HUS1: variants seen among roughly 807,000 people sequenced by gnomAD.
HUS1 encodes the protein checkpoint protein HUS1.
HUS1 carries 31 observed loss-of-function variants against 32.6 expected under a neutral mutation model. That is an observed-to-expected ratio of 0.95 (90% CI 0.72 to 1.28). The LOEUF is 1.28. Among genes scored for constraint, HUS1 ranks in the 50% most tolerant of loss-of-function variants. The pLI is 0.00. For synonymous variants in HUS1, 123 were observed against 116.6 expected (o/e 1.06, Z -0.36); for missense variants, 340 against 337.7 (o/e 1.01, Z -0.05).
chr7:47,965,579 C>T, intron 7 of HUS1, 141 bp from the exon 8 acceptor site: 1 of 615,394 alleles, frequency 1.6e-6, no homozygotes, highest in Non-Finnish European at 3.0e-6. Context: ...AGACCACAGT[C>T]TCTCACTCTC....
In HUS1 at chr7:47,963,448, A is replaced by G. The variant is rs1038065684; in HGVS notation, c.*1908T>C. 2.0e-5 allele frequency: 3 copies of G among 152,242 alleles called. No individual in the cohort carries two copies. Among genetic ancestry groups the G allele is most frequent in the Admixed American group, 1.3e-4 (2 of 15,288 alleles). The allele number at this position is 152,242 out of a possible 1,614,324, so 9.4% of individuals were successfully genotyped here. A position where few individuals can be genotyped will look rare whatever the true frequency, so the allele number is the denominator to read the frequency against. Reference sequence around the variant, plus strand: ...TCTCTTTAACAGCAATTTCAGTTTTATAAAACTACTTTCAGATATTGTTTC... The same window carrying G: ...TCTCTTTAACAGCAATTTCAGTTTTGTAAAACTACTTTCAGATATTGTTTC... On this transcript the variant is annotated 3_prime_UTR_variant, in exon 8 of 8. Transcript: ENST00000258774.
intron 3 of HUS1, among the ~76,000 whole-genome samples, chr7:47,977,809 G>A (rs534000472): frequency 4.6e-5 from 7 of 152,262 alleles, no homozygotes; most frequent in African/African-American, 9.6e-5. Context: ...CATGAGAATC[G>A]CTTGAACCCG....
rs778367512 is a variant in HUS1, at chr7:47,965,256, G to A, written c.*100C>T. On this transcript the variant is annotated 3_prime_UTR_variant, in exon 8 of 8. Coordinates refer to ENST00000258774, the MANE Select transcript of HUS1 (RefSeq NM_004507.4). Reference sequence around the variant, plus strand: ...GGACAAATAAGTACAGTGTGTCGATGTGCGGTGCTGTGAGGGCACAGACCA... The same window carrying A: ...GGACAAATAAGTACAGTGTGTCGATATGCGGTGCTGTGAGGGCACAGACCA... 3.9e-6 allele frequency: 3 copies of A among 760,298 alleles called. No homozygotes were observed. The highest frequency in any genetic ancestry group is 7.1e-6 in the Non-Finnish European group (3 of 420,766). 47.1% of individuals were successfully genotyped at this position (760,298 alleles called of 1,614,324 possible). A position where few individuals can be genotyped will look rare whatever the true frequency, so the allele number is the denominator to read the frequency against.
chr7:47,965,860 T>A (rs572603245), intron 7 of HUS1, among the ~76,000 whole-genome samples: 35 of 152,072 alleles, frequency 2.3e-4, no homozygotes, highest in Non-Finnish European at 4.3e-4. Flanking sequence ...GATCCCTGCA[T>A]CTCAACGGTC....
intron 1 of HUS1, 111 bp from the exon 2 acceptor site, chr7:47,978,927 A>C: frequency 2.6e-6 from 3 of 1,137,512 alleles, no homozygotes; most frequent in South Asian, 2.9e-5. Flanking sequence ...AAAAATAACC[A>C]CTTAACGTTG....
At chr7:47,970,232 C>CAAAAAA (rs777331089) in intron 5 of HUS1, among the ~76,000 whole-genome samples, 2 of 47,820 alleles carry the variant, frequency 4.2e-5, no homozygotes, top group Admixed American at 3.2e-4. Flanking sequence ...GACTCTGTCT[C>CAAAAAA]AAAAAAAAAA....
chr7:47,977,300 C>T (rs1788725236), intron 3 of HUS1, among the ~76,000 whole-genome samples: 3 of 152,050 alleles, frequency 2.0e-5, no homozygotes, highest in Non-Finnish European at 4.4e-5. Context: ...CATGTAAAGC[C>T]GTGAGGCAGA....
At chr7:47,969,539 C>T (rs1443809852) in intron 5 of HUS1, among the ~76,000 whole-genome samples, 1 of 152,186 alleles carries the variant, frequency 6.6e-6, no homozygotes, top group African/African-American at 2.4e-5. Context: ...GGAAGTCCCC[C>T]TGCCTGCCTC....
intron 5 of HUS1, among the ~76,000 whole-genome samples, chr7:47,971,896 A>T (rs1788607784): frequency 6.6e-6 from 1 of 152,226 alleles, no homozygotes; most frequent in Non-Finnish European, 1.5e-5. Flanking sequence ...TGAACTCTGA[A>T]TAGTTTTCAT....
rs1158471006 is a variant in HUS1 at position 47,967,722 on chromosome 7, T to G, written c.760+84A>C. On this transcript the variant is annotated intron_variant, in intron 7 of 7. Transcript: ENST00000258774. ...TTTTTTTTTTTTGGATTTATGAGACTATATGCAATCTGTTAGACTAGAGTT... is the reference window on the plus strand; with the variant it reads ...TTTTTTTTTTTTGGATTTATGAGACGATATGCAATCTGTTAGACTAGAGTT... The G allele has an allele frequency of 6.9e-6, 7 of 1,013,348 alleles. No homozygotes were observed. The African/African-American group carries it at 1.2e-4, about 17-fold the overall frequency. 62.8% of individuals were successfully genotyped at this position (1,013,348 alleles called of 1,614,324 possible).
rs1788419429 is a variant in HUS1 at position 47,963,800 on chromosome 7, G to A, written c.*1556C>T. On this transcript the variant is annotated 3_prime_UTR_variant, in exon 8 of 8. Transcript: ENST00000258774. ...ATGCGCCTGTAGTCCCAGCTACTCG[G>A]GAGGCTGAGGCAGGAGAATCGCTTG... The A allele has an allele frequency of 6.6e-6, 1 of 152,078 alleles. No homozygotes were observed. The highest frequency in any genetic ancestry group is 2.4e-5 in the African/African-American group (1 of 41,418). 9.4% of individuals were successfully genotyped at this position (152,078 alleles called of 1,614,324 possible).
At chr7:47,976,418 A>T (rs975918000) in intron 4 of HUS1, 1 of 473,528 alleles carries the variant, frequency 2.1e-6, no homozygotes, top group East Asian at 6.4e-5. Flanking sequence ...GAAAAGATCA[A>T]GTCCTGTGAA....
intron 4 of HUS1, chr7:47,976,374 G>GATA: frequency 2.2e-6 from 1 of 461,554 alleles, no homozygotes; most frequent in Non-Finnish European, 4.3e-6. Context: ...CTTGGCTTTC[G>GATA]TGCACATCCA....
chr7:47,978,570 T>G lies in HUS1; in HGVS notation c.204A>C (p.Gln68His), dbSNP rs142407794. Residue 68 changes from glutamine to histidine, a missense_variant, in exon 3 of 8, where the codon CAA (glutamine) becomes CAC (histidine). Physicochemically the swap from Gln to His is conservative, Grantham distance 24 (BLOSUM62 0). Coordinates refer to ENST00000258774, the MANE Select transcript of HUS1 (RefSeq NM_004507.4). ...TGTTTTCTGCAGAGACACCCTCCAT[T>G]TGAAATTCGTTGAAGAAGTTCTCCT... ...LEQENFFNEF[Q>H]MEGVSAENNE... 58 of 1,614,144 alleles carry G rather than the reference T, an allele frequency of 3.6e-5. No homozygotes were observed. In the African/African-American group the frequency reaches 6.9e-4, roughly 19 times the overall value.
rs879014099 is a variant in HUS1, at chr7:47,978,535, T to C, written c.239A>G (p.Tyr80Cys). The change falls in exon 3 of 8, where the codon TAT (tyrosine) becomes TGT (cysteine). Residue 80 changes from tyrosine (Y) to cysteine (C), a missense_variant. Tyr to Cys is a radical substitution (Grantham distance 194). Coordinates refer to ENST00000258774, the MANE Select transcript of HUS1 (RefSeq NM_004507.4). ...EGVSAENNEI[Y>C]LELTSENLSR... ...TAAGTTTTCCGATGTTAGCTCTAAATAAATCTCATTGTTTTCTGCAGAGAC... is the reference window on the plus strand; with the variant it reads ...TAAGTTTTCCGATGTTAGCTCTAAACAAATCTCATTGTTTTCTGCAGAGAC... The C allele has an allele frequency of 1.9e-6, 3 of 1,614,076 alleles. No homozygotes were observed. The highest frequency in any genetic ancestry group is 1.1e-5 in the South Asian group (1 of 91,092).
At chr7:47,975,347 T>C (rs1272571265) in intron 5 of HUS1, among the ~76,000 whole-genome samples, 1 of 147,462 alleles carries the variant, frequency 6.8e-6, no homozygotes, top group African/African-American at 2.5e-5. Flanking sequence ...AAAGATACAA[T>C]GTTTCATACA....
At chr7:47,976,517 C>G in intron 4 of HUS1, 1 of 609,890 alleles carries the variant, frequency 1.6e-6, no homozygotes, top group South Asian at 1.5e-5. Flanking sequence ...TGTTACTGAG[C>G]GAGACATTTT....
intron 1 of HUS1, 151 bp from the exon 2 acceptor site, chr7:47,978,967 C>T: frequency 2.8e-6 from 2 of 705,670 alleles, no homozygotes; most frequent in Middle Eastern, 7.7e-4. Context: ...TTTAATACCC[C>T]TGATGTCACG....
At position 47,976,838 on chromosome 7, in the gene HUS1, C is replaced by G. The variant is rs765601936; in HGVS notation, c.358-1G>C. On this transcript the variant is annotated splice_acceptor_variant, in intron 3 of 7. Coordinates refer to ENST00000258774, the MANE Select transcript of HUS1 (RefSeq NM_004507.4). LOFTEE classifies it high-confidence loss of function. ...TGCGGCTACTGCTTGACATAGATAA[C>G]TGCCAAGAAAAGAATTTAAAAATAT... 2 of 1,584,114 alleles carry G rather than the reference C, an allele frequency of 1.3e-6. No individual in the cohort carries two copies. The highest frequency in any genetic ancestry group is 3.3e-5 in the Admixed American group (2 of 59,766).
Sources: allele counts gnomAD v4.1 joint callset (sites outside exome capture counted in the v4.1 genomes callset), GRCh38; gene constraint gnomAD v4.1.1; transcripts MANE v1.5; gene names NCBI Gene and HGNC (gene_info 2026-07-23, HGNC 2026-07-21).